The following APC variants were observed in gnomAD, a reference collection of about 807,000 sequenced individuals.
APC encodes APC regulator of Wnt signaling pathway.
APC carries 72 observed loss-of-function variants against 247.0 expected under a neutral mutation model. That is an observed-to-expected ratio of 0.29 (90% CI 0.24 to 0.35). The LOEUF is 0.35. APC is among the 10% of genes least tolerant of loss of function. The pLI is 1.00. For synonymous variants in APC, 1,254 were observed against 1,162.5 expected (o/e 1.08, Z -1.60); for missense variants, 3,400 against 3,360.7 (o/e 1.01, Z -0.29).
Position 112,841,251 on chromosome 5 carries a change from A to G in APC, c.5657A>G (p.Glu1886Gly). Residue 1886 changes from glutamate to glycine, a missense_variant, in exon 16 of 16, where the codon GAA becomes GGA. Transcript: ENST00000257430. This position sits in a 1 kb window ranked among gnomAD's most constrained non-coding sequence, Gnocchi z 4.6. ...AAGGCTGAATTAAGAAAGGCAAAAG[A>G]AAATAAGGAATCAGAGGCTAAAGTT... Reference protein sequence around the residue: ...REKAELRKAKENKESEAKVTS... With the variant: ...REKAELRKAKGNKESEAKVTS... 6.2e-7 allele frequency: 1 copy of G among 1,613,840 alleles called. No homozygotes were observed. The highest frequency in any genetic ancestry group is 8.5e-7 in the Non-Finnish European group (1 of 1,179,744).
Position 112,819,364 on chromosome 5 carries a change from CA to C in APC, c.1312+21del. 1 of 1,613,930 alleles carries C rather than the reference CA, an allele frequency of 6.2e-7. No individual in the cohort carries two copies. On this transcript the variant is annotated intron_variant, in intron 10 of 15. Coordinates refer to ENST00000257430, the MANE Select transcript of APC (RefSeq NM_000038.6). ...ATCCAAGTATGTTCTCTATAGTGTA[CA>C]TCGTAGTGCATGTTTCAAAGCAAAT...
rs533781635 is a variant in APC at position 112,807,760 on chromosome 5, CACCT to C, written c.834+6378_834+6381del. 1.4e-3 allele frequency among the ~76,000 whole-genome samples: 213 copies of C among 152,244 alleles called. 3 individuals carry two copies. Among genetic ancestry groups the C allele is most frequent in the African/African-American group, 5.0e-3 (208 of 41,550 alleles). ...GATTCATATCGACATGTAACCTATT[CACCT>C]TAACCTCCCATTTTATTTTTTAAGA... On this transcript the variant is annotated intron_variant, in intron 8 of 15. Transcript: ENST00000257430.
chr5:112,839,058 A>G lies in APC; in HGVS notation c.3464A>G (p.Glu1155Gly), dbSNP rs1765430182. Residue 1155 changes from glutamate to glycine, a missense_variant, in exon 16 of 16, where the codon GAA becomes GGA. Transcript: ENST00000257430. The surrounding 1 kb of genome is among the most constrained non-coding windows in gnomAD (Gnocchi z 5.0). Reference sequence around the variant, plus strand: ...TACTCTGAAGAAGAACAGCATGAAGAAGAAGAGAGACCAACAAATTATAGC... The same window carrying G: ...TACTCTGAAGAAGAACAGCATGAAGGAGAAGAGAGACCAACAAATTATAGC... ...ERYSEEEQHE[E>G]EERPTNYSIK... 1 of 1,614,170 alleles carries G rather than the reference A, an allele frequency of 6.2e-7. No individual in the cohort carries two copies. The highest frequency in any genetic ancestry group is 8.5e-7 in the Non-Finnish European group (1 of 1,180,032).
At chr5:112,738,839 A>G (rs1221842615) in intron 1 of APC, among the ~76,000 whole-genome samples, 1 of 152,228 alleles carries the variant, frequency 6.6e-6, no homozygotes, top group Non-Finnish European at 1.5e-5. Context: ...GGACACTTTG[A>G]TTCTACATCA....
intron 1 of APC, among the ~76,000 whole-genome samples, chr5:112,740,866 G>A (rs1179942347): frequency 6.6e-6 from 1 of 151,802 alleles, no homozygotes; most frequent in African/African-American, 2.4e-5. Flanking sequence ...TACCATTTTT[G>A]TCTGTTTTAT....
intron 5 of APC, among the ~76,000 whole-genome samples, chr5:112,779,078 G>A (rs1287742583): frequency 1.3e-5 from 2 of 152,124 alleles, no homozygotes; most frequent in African/African-American, 4.8e-5. Flanking sequence ...ATCATTCAGG[G>A]TTTTGAGAGA....
At chr5:112,727,057 T>C (rs545771956) in intron 1 of APC, among the ~76,000 whole-genome samples, 15 of 152,142 alleles carry the variant, frequency 9.9e-5, no homozygotes, top group African/African-American at 3.6e-4. Context: ...GCAAAAATAA[T>C]TGCGGTTTTT....
upstream of APC, among the ~76,000 whole-genome samples, chr5:112,733,811 A>G (rs1752220063): frequency 6.6e-6 from 1 of 152,196 alleles, no homozygotes; most frequent in African/African-American, 2.4e-5. Context: ...GCACTCCATG[A>G]CTAAACTCCA....
rs762034315 is a variant in APC at position 112,843,168 on chromosome 5, G to A, written c.7574G>A (p.Arg2525His). The A allele has an allele frequency of 5.1e-5, 83 of 1,613,304 alleles. No individual in the cohort carries two copies. The highest frequency in any genetic ancestry group is 4.5e-4 in the Admixed American group (27 of 59,996). The change falls in exon 16 of 16, where the codon CGC becomes CAC. Residue 2525 changes from arginine to histidine, a missense_variant. Physicochemically the swap from Arg to His is conservative, Grantham distance 29. Transcript: ENST00000257430. The surrounding 1 kb of genome is among the most constrained non-coding windows in gnomAD (Gnocchi z 4.8). The stretch of plus-strand genomic sequence containing the variant: ...TATAATGATGGAAGACCAGCAAAGC[G>A]CCATGATATTGCACGGTCTCATTCT... Reference protein sequence around the residue: ...IEYNDGRPAKRHDIARSHSES... With the variant: ...IEYNDGRPAKHHDIARSHSES...
intron 7 of APC, among the ~76,000 whole-genome samples, chr5:112,794,199 C>A (rs1759953539): frequency 1.3e-5 from 2 of 151,984 alleles, no homozygotes; most frequent in Non-Finnish European, 2.9e-5. Flanking sequence ...TTCAAGTGAT[C>A]TTCCCACCTC....
rs975710261 is a variant in APC, at chr5:112,792,480, A to G, written c.680A>G (p.Asp227Gly). The G allele has an allele frequency of 1.2e-6, 2 of 1,612,344 alleles. No homozygotes were observed. The highest frequency in any genetic ancestry group is 1.3e-5 in the African/African-American group (1 of 74,888). The change falls in exon 7 of 16, where the codon GAC becomes GGC. Residue 227 changes from aspartate to glycine, a missense_variant. Around this residue, in one of 9 missense-constraint regions of APC, gnomAD observed 372 missense variants for 367.6 expected, o/e 1.01. Transcript: ENST00000257430. ...RIARIQQIEK[D>G]ILRIRQLLQS... ...GCCAGAATTCAGCAAATCGAAAAGG[A>G]CATACTTCGTATACGACAGCTTTTA... is the stretch of plus-strand genomic sequence containing the variant.
intron 6 of APC, among the ~76,000 whole-genome samples, chr5:112,788,498 A>G (rs1216720006): frequency 6.6e-6 from 1 of 152,184 alleles, no homozygotes; most frequent in Non-Finnish European, 1.5e-5. Context: ...TCTTGTCAGT[A>G]CAATACAGAT....
At chr5:112,826,030 A>C (rs1408651731) in intron 11 of APC, among the ~76,000 whole-genome samples, 1 of 152,204 alleles carries the variant, frequency 6.6e-6, no homozygotes, top group Non-Finnish European at 1.5e-5. Flanking sequence ...GCTAGTAATA[A>C]AGTTTTGCAT....
intron 1 of APC, 146 bp from the exon 2 acceptor site, chr5:112,754,727 A>G: frequency 1.5e-6 from 1 of 681,432 alleles, no homozygotes; most frequent in South Asian, 1.8e-5. Context: ...TACTTGAACA[A>G]TATTGTTTTG....
At position 112,833,960 on chromosome 5, in the gene APC, TC is replaced by T. The variant is rs1166793600; in HGVS notation, c.1744-990del. ...TTTACAGAATTTTAAAAATCTACTT[TC>T]TTTTTTTTTTGAGACAGGGTCTCAC... is the stretch of plus-strand genomic sequence containing the variant. On this transcript the variant is annotated intron_variant, in intron 14 of 15. Coordinates refer to ENST00000257430, the MANE Select transcript of APC (RefSeq NM_000038.6). Among the ~76,000 whole-genome samples the T allele has an allele frequency of 2.6e-5, 4 of 152,080 alleles. No homozygotes were observed. In the East Asian group the frequency reaches 7.7e-4, roughly 29 times the overall value.
At chr5:112,749,811 T>G (rs1404334612) in intron 1 of APC, among the ~76,000 whole-genome samples, 1 of 150,896 alleles carries the variant, frequency 6.6e-6, no homozygotes, top group Non-Finnish European at 1.5e-5. Context: ...GTAGAACTAT[T>G]AAGGTTTTTC....
At chr5:112,730,695 G>A (rs1752055715) in intron 1 of APC, among the ~76,000 whole-genome samples, 2 of 152,042 alleles carry the variant, frequency 1.3e-5, no homozygotes, top group South Asian at 2.1e-4. Flanking sequence ...TTTTTCTTAA[G>A]GACCCTCCCA....
intron 1 of APC, among the ~76,000 whole-genome samples, chr5:112,718,300 AAAG>A (rs1309396662): frequency 6.6e-6 from 1 of 152,152 alleles, no homozygotes; most frequent in Non-Finnish European, 1.5e-5. Context: ...ATCTTTCTCT[AAAG>A]AAGGTTTTCA....
At chr5:112,754,762 C>A (rs1754763347) in intron 1 of APC, 111 bp from the exon 2 acceptor site, 1 of 1,016,448 alleles carries the variant, frequency 9.8e-7, no homozygotes. Flanking sequence ...CATATTAACA[C>A]AATTCTTCTT....
Sources: allele counts gnomAD v4.1 joint callset (sites outside exome capture counted in the v4.1 genomes callset), GRCh38; gene constraint gnomAD v4.1.1; regional missense constraint gnomAD v4.1.1; non-coding constraint Gnocchi (gnomAD v3.1); transcripts MANE v1.5; gene names NCBI Gene and HGNC (gene_info 2026-07-23, HGNC 2026-07-21).